Variants in SH3PXD2A observed in about 807,000 individuals in gnomAD.
SH3PXD2A encodes SH3 and PX domain-containing protein 2A.
SH3PXD2A carries 32 observed loss-of-function variants against 115.2 expected under a neutral mutation model. That is an observed-to-expected ratio of 0.28 (90% CI 0.21 to 0.37). SH3PXD2A has a LOEUF of 0.37. Among genes scored for constraint, SH3PXD2A ranks in the 10% least tolerant of loss-of-function variants. The probability of loss-of-function intolerance (pLI) is 1.00; values close to 1 mark genes in which losing one functional copy is unlikely to be tolerated. For missense variants in SH3PXD2A, 1,328 were observed against 1,498.7 expected, an observed-to-expected ratio of 0.89 and a Z score of 1.88; for synonymous variants, 610 against 629.1, an observed-to-expected ratio of 0.97 and a Z score of 0.45.
At chr10:103,750,549 CGA>C (rs1379176492) in intron 3 of SH3PXD2A, among the ~76,000 whole-genome samples, 2 of 152,114 alleles carry the variant, frequency 1.3e-5, no homozygotes, top group Admixed American at 1.3e-4. Context: ...ATGGACAGGG[CGA>C]GAGTCTGCCT....
intron 6 of SH3PXD2A, among the ~76,000 whole-genome samples, chr10:103,690,897 C>T (rs2037741416): frequency 6.6e-6 from 1 of 152,072 alleles, no homozygotes; most frequent in South Asian, 2.1e-4. Flanking sequence ...TCAACCATGA[C>T]ACTAAGTGGC....
At chr10:103,809,561 C>T (rs2039243823) in intron 1 of SH3PXD2A, among the ~76,000 whole-genome samples, 1 of 152,160 alleles carries the variant, frequency 6.6e-6, no homozygotes, top group Non-Finnish European at 1.5e-5. Flanking sequence ...AATGCCTCTA[C>T]AGTAGGGAGC....
chr10:103,756,732 C>T lies in SH3PXD2A; in HGVS notation c.229+10362G>A, dbSNP rs1452065943. ...AGACAGAGCTATGGGCAGTCATCCT[C>T]GACCCCACCCCACCACCTCCAATCC... On this transcript the variant is annotated intron_variant, in intron 3 of 14. Coordinates refer to ENST00000369774, the MANE Select transcript of SH3PXD2A (RefSeq NM_001394015.1). This position sits in a 1 kb window ranked among gnomAD's most constrained non-coding sequence, Gnocchi z 4.4. Among the ~76,000 whole-genome samples, 1 of 152,148 alleles carries T rather than the reference C, an allele frequency of 6.6e-6. No homozygotes were observed. The highest frequency in any genetic ancestry group is 1.5e-5 in the Non-Finnish European group (1 of 68,004).
In SH3PXD2A at chr10:103,602,413, T is replaced by C; in HGVS notation, c.2805A>G (p.Ala935=). The C allele has an allele frequency of 6.2e-7, 1 of 1,614,108 alleles. No homozygotes were observed. Reference sequence around the variant, plus strand: ...TCTTGCTCTGGTTGACGGTGTTCAGTGCTTGGACGCGCCTCTCGATCTTCT... The same window carrying C: ...TCTTGCTCTGGTTGACGGTGTTCAGCGCTTGGACGCGCCTCTCGATCTTCT... ...SLEKIERRVQ[A]LNTVNQSKKA... Residue 935 remains alanine (A), a synonymous_variant, in exon 15 of 15, where the codon GCA becomes GCG. Transcript: ENST00000369774.
chr10:103,800,591 C>T (rs1200897459), intron 2 of SH3PXD2A, among the ~76,000 whole-genome samples: 1 of 152,160 alleles, frequency 6.6e-6, no homozygotes, highest in Non-Finnish European at 1.5e-5. Flanking sequence ...TTCCCTGGTC[C>T]CTCCTTCCAA....
intron 13 of SH3PXD2A, 136 bp from the exon 14 acceptor site, chr10:103,606,053 C>A: frequency 2.5e-6 from 2 of 794,036 alleles, no homozygotes; most frequent in East Asian, 2.7e-5. Context: ...GGCCTGAGTA[C>A]GTATCTATCA....
intron 8 of SH3PXD2A, among the ~76,000 whole-genome samples, chr10:103,648,486 C>T (rs1257799311): frequency 3.3e-5 from 5 of 152,200 alleles, no homozygotes; most frequent in East Asian, 1.9e-4. Context: ...TCTGGCAGGG[C>T]GGCCCTGGAA....
At chr10:103,726,916 C>T (rs2038248211) in intron 4 of SH3PXD2A, among the ~76,000 whole-genome samples, 2 of 152,172 alleles carry the variant, frequency 1.3e-5, no homozygotes, top group South Asian at 4.2e-4. Flanking sequence ...GGTCATGGCT[C>T]TCCAAGGGTC....
At chr10:103,605,971 T>G in intron 13 of SH3PXD2A, 54 bp from the exon 14 acceptor site, 1 of 1,599,682 alleles carries the variant, frequency 6.3e-7, no homozygotes, top group Non-Finnish European at 8.5e-7. Context: ...GAAGAGTAAC[T>G]TGGCCAAGGG....
chr10:103,656,333 G>A lies in SH3PXD2A; in HGVS notation c.604+4650C>T, dbSNP rs563779075. ...ATCTAACGTTTGCCAATCCATTGCT[G>A]GTGAGAAAACAATCAGATTCAAACT... On this transcript the variant is annotated intron_variant, in intron 8 of 14. Transcript: ENST00000369774. Among the ~76,000 whole-genome samples, 3 of 152,318 alleles carry A rather than the reference G, an allele frequency of 2.0e-5. No homozygotes were observed. The South Asian group carries it at 6.2e-4, about 32-fold the overall frequency.
At chr10:103,670,910 A>G (rs1564859717) in intron 6 of SH3PXD2A, among the ~76,000 whole-genome samples, 1 of 151,946 alleles carries the variant, frequency 6.6e-6, no homozygotes, top group Non-Finnish European at 1.5e-5. Context: ...TGAAGTTTCA[A>G]CTCCCTGCTG....
intron 2 of SH3PXD2A, among the ~76,000 whole-genome samples, chr10:103,794,442 G>A (rs530301834): frequency 2.0e-5 from 3 of 152,300 alleles, no homozygotes; most frequent in South Asian, 2.1e-4. Flanking sequence ...GTAGCCCAGC[G>A]CTTTGTAGGT....
chr10:103,774,180 C>A (rs979408133), intron 2 of SH3PXD2A, among the ~76,000 whole-genome samples: 1 of 152,132 alleles, frequency 6.6e-6, no homozygotes, highest in Non-Finnish European at 1.5e-5. Flanking sequence ...ATTTCTGGGA[C>A]TATTGTTACA....
chr10:103,661,069 A>G lies in SH3PXD2A; in HGVS notation c.518T>C (p.Val173Ala). ...AEPMILEQYV[V>A]VSNYKKQENS... ...CTCCTGCTTCTTATAGTTGGACACC[A>G]CCACGTACTGTTCCAGGATCATGGG... The change falls in exon 8 of 15, where the codon GTG (valine) becomes GCG (alanine). Residue 173 changes from valine (V) to alanine (A), a missense_variant. Coordinates refer to ENST00000369774, the MANE Select transcript of SH3PXD2A (RefSeq NM_001394015.1). 6.2e-7 allele frequency: 1 copy of G among 1,614,078 alleles called. No homozygotes were observed. Among genetic ancestry groups the G allele is most frequent in the Non-Finnish European group, 8.5e-7 (1 of 1,179,970 alleles).
At chr10:103,845,783 A>G (rs1000777296) in intron 1 of SH3PXD2A, among the ~76,000 whole-genome samples, 2 of 152,162 alleles carry the variant, frequency 1.3e-5, no homozygotes, top group African/African-American at 4.8e-5. Flanking sequence ...TATGATGATG[A>G]TGGTGATACA....
intron 3 of SH3PXD2A, among the ~76,000 whole-genome samples, chr10:103,742,770 C>T (rs938679690): frequency 7.2e-5 from 11 of 152,228 alleles, no homozygotes; most frequent in South Asian, 2.1e-4. Context: ...AGAGCAGCTC[C>T]GGAGTCTCAG....
intron 5 of SH3PXD2A, among the ~76,000 whole-genome samples, chr10:103,710,838 C>A (rs753841903): frequency 6.6e-6 from 1 of 152,068 alleles, no homozygotes; most frequent in Non-Finnish European, 1.5e-5. Flanking sequence ...GAGTTCAAGA[C>A]CAGCCTCAAC....
At chr10:103,780,599 G>T (rs546713139) in intron 2 of SH3PXD2A, among the ~76,000 whole-genome samples, 1 of 152,298 alleles carries the variant, frequency 6.6e-6, no homozygotes, top group South Asian at 2.1e-4. Flanking sequence ...GACACTGGAA[G>T]CCACCATCCA....
At chr10:103,789,550 CACACACAA>C (rs1292706077) in intron 2 of SH3PXD2A, among the ~76,000 whole-genome samples, 8 of 151,762 alleles carry the variant, frequency 5.3e-5, no homozygotes, top group Admixed American at 2.0e-4. Flanking sequence ...CACACACACA[CACACACAA>C]CACTCACCTG....
Sources: allele counts gnomAD v4.1 joint callset (sites outside exome capture counted in the v4.1 genomes callset), GRCh38; gene constraint gnomAD v4.1.1; non-coding constraint Gnocchi (gnomAD v3.1); transcripts MANE v1.5; gene names NCBI Gene and HGNC (gene_info 2026-07-23, HGNC 2026-07-21).